EIF3H: variants seen among roughly 807,000 people sequenced by gnomAD.
EIF3H encodes eukaryotic translation initiation factor 3 subunit H.
Under a neutral mutation model 44.2 loss-of-function variants are expected in EIF3H, and 26 were observed. That is an observed-to-expected ratio of 0.59 (90% confidence interval 0.43 to 0.82). EIF3H has a LOEUF of 0.82. Ranked by LOEUF, EIF3H falls within the 40% of genes least tolerant of loss-of-function variation. EIF3H has a pLI of 0.00. For missense variants in EIF3H, 359 were observed against 432.8 expected (o/e 0.83, Z 1.51); for synonymous variants, 166 against 151.9 (o/e 1.09, Z -0.68).
At chr8:116,689,187 A>C (rs937161932) in intron 2 of EIF3H, 4 of 409,710 alleles carry the variant, frequency 9.8e-6, no homozygotes, top group Non-Finnish European at 2.0e-5. Flanking sequence ...AAAAGGACAA[A>C]TATTGTATAA....
chr8:116,652,139 G>C (rs943097205), intron 5 of EIF3H, among the ~76,000 whole-genome samples: 1 of 152,186 alleles, frequency 6.6e-6, no homozygotes, highest in African/African-American at 2.4e-5. Flanking sequence ...TGGAGAATGA[G>C]AGGAAACCCA....
intron 1 of EIF3H, among the ~76,000 whole-genome samples, chr8:116,738,566 G>A (rs114944946): frequency 0.013 from 2,006 of 152,114 alleles, 25 homozygotes; most frequent in Non-Finnish European, 0.02. Context: ...CCGTTTAAGA[G>A]AAGCCTAACT....
intron 2 of EIF3H, among the ~76,000 whole-genome samples, chr8:116,718,210 T>TA (rs201474492): frequency 4.7e-4 from 70 of 148,874 alleles, no homozygotes; most frequent in Admixed American, 2.3e-3. Context: ...TCCATAATAA[T>TA]AAAAAAAAAA....
intron 2 of EIF3H, among the ~76,000 whole-genome samples, chr8:116,682,537 C>T (rs541986845): frequency 6.6e-6 from 1 of 152,270 alleles, no homozygotes; most frequent in East Asian, 1.9e-4. Flanking sequence ...AGTTCAAATG[C>T]CGTCACAAAA....
intron 4 of EIF3H, among the ~76,000 whole-genome samples, chr8:116,656,819 A>G (rs1300593118): frequency 1.3e-5 from 2 of 152,272 alleles, no homozygotes; most frequent in South Asian, 4.1e-4. Flanking sequence ...AAATTCTTAA[A>G]ATGTTTATAT....
chr8:116,763,156 A>T (rs1311854073), intron 1 of EIF3H, among the ~76,000 whole-genome samples: 1 of 152,242 alleles, frequency 6.6e-6, no homozygotes, highest in African/African-American at 2.4e-5. Context: ...GAACTCTGCC[A>T]ATTGACTTTG....
chr8:116,724,275 C>T (rs112373832), intron 2 of EIF3H, among the ~76,000 whole-genome samples: 129 of 152,222 alleles, frequency 8.5e-4, no homozygotes, highest in African/African-American at 2.8e-3. Context: ...CGAAGCTGGA[C>T]CCTTACCTTG....
In EIF3H at chr8:116,665,440, T is replaced by C. The variant is rs1441858708; in HGVS notation, c.290-6460A>G. 7.2e-5 allele frequency among the ~76,000 whole-genome samples: 11 copies of C among 152,140 alleles called. 1 individual carries two copies. In the South Asian group the frequency reaches 2.1e-3, roughly 29 times the overall value. The stretch of plus-strand genomic sequence containing the variant: ...ACTGGCTTAGATCAAAGATGACCTA[T>C]ACAGGTATATAGATGGAACAGAGAT... On this transcript the variant is annotated intron_variant, in intron 2 of 7. Coordinates refer to ENST00000521861, the MANE Select transcript of EIF3H (RefSeq NM_003756.3).
chr8:116,710,979 TA>T (rs1383189540), intron 2 of EIF3H, among the ~76,000 whole-genome samples: 2 of 152,234 alleles, frequency 1.3e-5, no homozygotes, highest in African/African-American at 4.8e-5. Flanking sequence ...AAGTTTGCCA[TA>T]CATAAGAAAT....
In EIF3H at chr8:116,677,941, G is replaced by A. The variant is rs1490735059; in HGVS notation, c.290-18961C>T. Among the ~76,000 whole-genome samples the A allele has an allele frequency of 3.9e-5, 6 of 152,224 alleles. No homozygotes were observed. The East Asian group carries it at 9.6e-4, about 24-fold the overall frequency. On this transcript the variant is annotated intron_variant, in intron 2 of 7. Transcript: ENST00000521861. The stretch of plus-strand genomic sequence containing the variant: ...AAATTACCTAACAGGTCTGATGACA[G>A]GAAATGTTAAGTTAAATGTAATATA...
intron 5 of EIF3H, among the ~76,000 whole-genome samples, chr8:116,652,371 T>C (rs1049447587): frequency 2.0e-5 from 3 of 152,176 alleles, no homozygotes; most frequent in Admixed American, 1.3e-4. Flanking sequence ...ACATCAAAAT[T>C]CTATCGAGAA....
chr8:116,671,855 CT>C (rs1290263005), intron 2 of EIF3H, among the ~76,000 whole-genome samples: 1 of 152,172 alleles, frequency 6.6e-6, no homozygotes, highest in African/African-American at 2.4e-5. Context: ...AGCTTCATAC[CT>C]TGTAAAATAA....
intron 2 of EIF3H, among the ~76,000 whole-genome samples, chr8:116,698,775 G>A (rs1482573481): frequency 6.6e-6 from 1 of 152,020 alleles, no homozygotes; most frequent in South Asian, 2.1e-4. Context: ...TGTTTAAGAT[G>A]ATTTTTTTTT....
intron 1 of EIF3H, among the ~76,000 whole-genome samples, chr8:116,728,808 T>A (rs1814899558): frequency 6.6e-6 from 1 of 152,170 alleles, no homozygotes; most frequent in Non-Finnish European, 1.5e-5. Flanking sequence ...AGCTATTTAA[T>A]CTTCTCAAGC....
chr8:116,676,317 T>C (rs1248029832), intron 2 of EIF3H, among the ~76,000 whole-genome samples: 1 of 152,244 alleles, frequency 6.6e-6, no homozygotes, highest in Non-Finnish European at 1.5e-5. Context: ...CTAGGCTGTG[T>C]AATCTAGAAA....
At chr8:116,679,371 C>T (rs1374445263) in intron 2 of EIF3H, among the ~76,000 whole-genome samples, 1 of 74,398 alleles carries the variant, frequency 1.3e-5, no homozygotes, top group East Asian at 3.1e-4. Flanking sequence ...GCCCGGTCAG[C>T]CCCCCGCCCG....
chr8:116,697,188 T>C (rs1377137527), intron 2 of EIF3H: 3 of 456,158 alleles, frequency 6.6e-6, no homozygotes, highest in South Asian at 1.5e-5. Flanking sequence ...CTGTGTGTGC[T>C]TGTCCCTTTT....
intron 7 of EIF3H, among the ~76,000 whole-genome samples, chr8:116,646,038 G>A (rs58678202): frequency 0.035 from 5,356 of 152,222 alleles, 315 homozygotes; most frequent in African/African-American, 0.12. Context: ...AAGTTTATCC[G>A]GAAATACATT....
intron 2 of EIF3H, among the ~76,000 whole-genome samples, chr8:116,714,020 G>C (rs1814618562): frequency 6.6e-6 from 1 of 151,946 alleles, no homozygotes; most frequent in East Asian, 1.9e-4. Flanking sequence ...ATTATCAGGA[G>C]AACTTTCATG....
Sources: allele counts gnomAD v4.1 joint callset (sites outside exome capture counted in the v4.1 genomes callset), GRCh38; gene constraint gnomAD v4.1.1; transcripts MANE v1.5; gene names NCBI Gene and HGNC (gene_info 2026-07-23, HGNC 2026-07-21).